Variants in MAML2 observed in about 807,000 individuals in gnomAD.
The protein encoded by MAML2 is mastermind like transcriptional coactivator 2.
A neutral mutation model predicts 96.1 loss-of-function variants in MAML2; 22 were observed. The observed-to-expected ratio is 0.23, with a 90% CI of 0.16 to 0.33. The LOEUF is 0.33. Among genes scored for constraint, MAML2 ranks in the 10% least tolerant of loss-of-function variants. The pLI is 1.00. For synonymous variants in MAML2, 561 were observed against 521.3 expected, an observed-to-expected ratio of 1.08 and a Z score of -1.04; for missense variants, 1,367 against 1,392.4, an observed-to-expected ratio of 0.98 and a Z score of 0.29.
At chr11:96,122,497 G>GT (rs1860365786) in intron 1 of MAML2, among the ~76,000 whole-genome samples, 6 of 135,682 alleles carry the variant, frequency 4.4e-5, no homozygotes, top group East Asian at 2.1e-4. Flanking sequence ...TTTTAGGCTG[G>GT]GTGTGTGTGT....
chr11:96,187,977 T>G (rs1214790131), intron 1 of MAML2, among the ~76,000 whole-genome samples: 1 of 152,184 alleles, frequency 6.6e-6, no homozygotes. Flanking sequence ...CTGGCCTTCA[T>G]GTGGCAGAGG....
intron 2 of MAML2, among the ~76,000 whole-genome samples, chr11:96,026,404 G>A (rs981431510): frequency 5.9e-5 from 9 of 152,182 alleles, no homozygotes; most frequent in African/African-American, 2.2e-4. Context: ...AGTTGGGTTT[G>A]AATTGGATCT....
chr11:96,271,296 G>A (rs1174898147), intron 1 of MAML2, among the ~76,000 whole-genome samples: 1 of 152,264 alleles, frequency 6.6e-6, no homozygotes, highest in Admixed American at 6.5e-5. Context: ...AGAGAACCCT[G>A]ACTAACACAG....
At chr11:96,310,285 C>A (rs1269054513) in intron 1 of MAML2, among the ~76,000 whole-genome samples, 1 of 151,816 alleles carries the variant, frequency 6.6e-6, no homozygotes, top group African/African-American at 2.4e-5. Context: ...AAAGTCAGAG[C>A]AACATAAAAC....
chr11:95,981,205 C>T (rs1373605975), intron 4 of MAML2, among the ~76,000 whole-genome samples: 3 of 152,190 alleles, frequency 2.0e-5, no homozygotes, highest in Non-Finnish European at 4.4e-5. Context: ...TCTTTCCTTG[C>T]CATGTGACGA....
intron 2 of MAML2, among the ~76,000 whole-genome samples, chr11:96,064,878 G>A (rs957220113): frequency 2.6e-5 from 4 of 152,006 alleles, no homozygotes; most frequent in Non-Finnish European, 4.4e-5. Context: ...ATTTTTTCTC[G>A]CTTTTCATAT....
chr11:96,232,630 C>T lies in MAML2; in HGVS notation c.513+108753G>A, dbSNP rs1336914124. Among the ~76,000 whole-genome samples, 10 of 152,236 alleles carry T rather than the reference C, an allele frequency of 6.6e-5. No individual in the cohort carries two copies. In the South Asian group the frequency reaches 1.9e-3, roughly 28 times the overall value. On this transcript the variant is annotated intron_variant, in intron 1 of 4. Coordinates refer to ENST00000524717, the MANE Select transcript of MAML2 (RefSeq NM_032427.4). ...GACTACAGGCGCCCGCCACCACGCC[C>T]GGCTAATTTTGTTTGTATTTTTAGT...
Position 96,067,760 on chromosome 11 carries a change from C to T in MAML2, c.2139+24132G>A, listed in dbSNP as rs551088879. 4.3e-4 allele frequency among the ~76,000 whole-genome samples: 65 copies of T among 152,274 alleles called. 1 individual carries two copies. The South Asian group carries it at 0.012, about 29-fold the overall frequency. On this transcript the variant is annotated intron_variant, in intron 2 of 4. Transcript: ENST00000524717. The stretch of plus-strand genomic sequence containing the variant: ...AAACAGAGACATGACAACGCATATC[C>T]GTGACTGCCTCTCTTGCTCTAATTT...
At chr11:96,011,983 G>A (rs549715996) in intron 2 of MAML2, among the ~76,000 whole-genome samples, 26 of 152,186 alleles carry the variant, frequency 1.7e-4, no homozygotes, top group Admixed American at 1.2e-3. Context: ...GTGTTGAAGG[G>A]TTTTTATTCC....
intron 1 of MAML2, among the ~76,000 whole-genome samples, chr11:96,129,276 AAAG>A (rs1368575785): frequency 1.3e-5 from 2 of 152,206 alleles, no homozygotes; most frequent in African/African-American, 4.8e-5. Context: ...AAAAATAAGT[AAAG>A]AAGAGGTCTC....
intron 1 of MAML2, among the ~76,000 whole-genome samples, chr11:96,240,597 CTGTCTG>C: frequency 8.0e-6 from 1 of 124,486 alleles, no homozygotes; most frequent in South Asian, 2.7e-4. Flanking sequence ...AGCTGATGAA[CTGTCTG>C]TGTCAGTGTT....
chr11:96,273,758 T>C (rs980843080), intron 1 of MAML2, among the ~76,000 whole-genome samples: 3 of 152,104 alleles, frequency 2.0e-5, no homozygotes, highest in Admixed American at 6.6e-5. Context: ...AATAAGACAA[T>C]TTGTAGGATG....
intron 2 of MAML2, among the ~76,000 whole-genome samples, chr11:96,046,597 G>A (rs1858904926): frequency 6.6e-6 from 1 of 152,170 alleles, no homozygotes; most frequent in Non-Finnish European, 1.5e-5. Context: ...TCTAGCCCCT[G>A]GATTTGAACA....
intron 1 of MAML2, among the ~76,000 whole-genome samples, chr11:96,333,317 G>T (rs971732072): frequency 2.0e-5 from 3 of 151,844 alleles, no homozygotes; most frequent in Non-Finnish European, 4.4e-5. Flanking sequence ...CCTCAAGAAA[G>T]GGGAGGAATC....
chr11:96,310,619 A>T (rs181680091), intron 1 of MAML2, among the ~76,000 whole-genome samples: 36 of 152,350 alleles, frequency 2.4e-4, no homozygotes, highest in Admixed American at 2.4e-3. Context: ...GGTTGGCAAT[A>T]CTGTGGTGTC....
intron 1 of MAML2, among the ~76,000 whole-genome samples, chr11:96,321,851 A>G (rs1176557889): frequency 2.0e-5 from 3 of 152,224 alleles, no homozygotes; most frequent in Non-Finnish European, 4.4e-5. Context: ...CAAATTACCA[A>G]TATGACTGGA....
intron 1 of MAML2, among the ~76,000 whole-genome samples, chr11:96,330,810 C>T (rs1863843826): frequency 6.6e-6 from 1 of 152,206 alleles, no homozygotes; most frequent in Admixed American, 6.5e-5. Flanking sequence ...TAAAGGCCAT[C>T]CTCAGAAGTA....
chr11:96,021,843 T>A (rs1378501475), intron 2 of MAML2, among the ~76,000 whole-genome samples: 1 of 152,232 alleles, frequency 6.6e-6, no homozygotes, highest in Admixed American at 6.5e-5. Context: ...TGCCAAGAAC[T>A]GAGGGATGCC....
chr11:96,335,761 C>T (rs546468188), intron 1 of MAML2, among the ~76,000 whole-genome samples: 11 of 152,144 alleles, frequency 7.2e-5, no homozygotes, highest in African/African-American at 1.9e-4. Context: ...TTGCTCTTAC[C>T]GGATCTCCAG....
Sources: allele counts gnomAD v4.1 joint callset (sites outside exome capture counted in the v4.1 genomes callset), GRCh38; gene constraint gnomAD v4.1.1; transcripts MANE v1.5; gene names NCBI Gene and HGNC (gene_info 2026-07-23, HGNC 2026-07-21).